The following ADGRL2 variants were observed in gnomAD, a reference collection of about 807,000 sequenced individuals.
The protein encoded by ADGRL2 is adhesion G protein-coupled receptor L2.
A neutral mutation model predicts 157.4 loss-of-function variants in ADGRL2; 44 were observed. That is an observed-to-expected ratio of 0.28 (90% CI 0.22 to 0.36). The LOEUF is 0.36. Ranked by LOEUF, ADGRL2 falls within the 10% of genes least tolerant of loss-of-function variation. ADGRL2 has a pLI of 1.00. For missense variants in ADGRL2, 1,510 were observed against 1,768.9 expected (o/e 0.85, Z 2.63); for synonymous variants, 585 against 624.7 (o/e 0.94, Z 0.95).
At position 81,495,708 on chromosome 1, in the gene ADGRL2, C is replaced by T. The variant is rs576047344; in HGVS notation, c.-248+50619C>T. ...AATTTTAAAAGGGGAAAAATTTCAA[C>T]TCAGGTAACTAGGAATTTAGCATGC... On this transcript the variant is annotated intron_variant, in intron 2 of 24. Coordinates refer to the ADGRL2 transcript ENST00000370721. 1.4e-4 allele frequency among the ~76,000 whole-genome samples: 21 copies of T among 152,256 alleles called. No homozygotes were observed. The Middle Eastern group carries it at 0.01, about 74-fold the overall frequency.
chr1:81,501,125 T>A (rs925945280), intron 2 of ADGRL2, among the ~76,000 whole-genome samples: 7 of 152,230 alleles, frequency 4.6e-5, no homozygotes, highest in Non-Finnish European at 8.8e-5. Flanking sequence ...GGGGCAAAAT[T>A]ACTGCTGCCA....
intron 3 of ADGRL2, among the ~76,000 whole-genome samples, chr1:81,605,246 C>T (rs1370141849): frequency 6.6e-6 from 1 of 152,082 alleles, no homozygotes; most frequent in Non-Finnish European, 1.5e-5. Context: ...TGCTTAATTA[C>T]AAGGCTGAAT....
At position 81,987,001 on chromosome 1, in the gene ADGRL2, C is replaced by T. The variant is rs1369148922; in HGVS notation, c.3609C>T (p.Ala1203=). 9.9e-6 allele frequency: 16 copies of T among 1,610,810 alleles called. No homozygotes were observed. Among genetic ancestry groups the T allele is most frequent in the Admixed American group, 3.3e-5 (2 of 59,802 alleles). ...TCGCTGAAACAGTTGTATGTAATGC[C>T]CCTTCAGCTCCTGTATTTAACTCAC... The part of the protein sequence containing the change: ...TLLAETVVCN[A]PSAPVFNSPA... Residue 1203 remains alanine (A), a synonymous_variant, in exon 22 of 24, where the codon GCC becomes GCT. Coordinates refer to ENST00000686636, the MANE Select transcript of ADGRL2 (RefSeq NM_001366006.2).
intron 2 of ADGRL2, among the ~76,000 whole-genome samples, chr1:81,565,251 G>A (rs1438319843): frequency 6.6e-6 from 1 of 152,130 alleles, no homozygotes; most frequent in Non-Finnish European, 1.5e-5. Context: ...TATGTGACAG[G>A]ATTTTGTTAA....
chr1:81,389,126 G>A (rs1427587337), intron 1 of ADGRL2, among the ~76,000 whole-genome samples: 2 of 152,084 alleles, frequency 1.3e-5, no homozygotes, highest in South Asian at 2.1e-4. Context: ...TCCCTTAGAT[G>A]TGCTTAAGAA....
intron 2 of ADGRL2, among the ~76,000 whole-genome samples, chr1:81,449,224 T>C (rs1334302592): frequency 6.6e-6 from 1 of 151,634 alleles, no homozygotes; most frequent in Non-Finnish European, 1.5e-5. Flanking sequence ...AGTGATACTA[T>C]GGATTTATAT....
chr1:81,893,061 A>G (rs1364360837), intron 2 of ADGRL2, among the ~76,000 whole-genome samples: 2 of 152,196 alleles, frequency 1.3e-5, no homozygotes, highest in African/African-American at 2.4e-5. Flanking sequence ...TCAAAACCTT[A>G]TCTATTTTTC....
rs71085382 is a variant in ADGRL2 at position 81,993,087 on chromosome 1, A to ATTTTTTTTTTTT, written c.*1963_*1974dup. 6.8e-5 allele frequency among the ~76,000 whole-genome samples: 2 copies of ATTTTTTTTTTTT among 29,200 alleles called. No homozygotes were observed. Among genetic ancestry groups the ATTTTTTTTTTTT allele is most frequent in the Non-Finnish European group, 1.1e-4 (2 of 18,340 alleles). The allele number at this position is 29,200 out of a possible 152,430, so 19.2% of individuals were successfully genotyped here. On this transcript the variant is annotated 3_prime_UTR_variant, in exon 24 of 24. Transcript: ENST00000686636. ...TATATATATATATATATATATATAT[A>ATTTTTTTTTTTT]TTTTTTTTTTTTTTTTTTTTTTTTT...
intron 1 of ADGRL2, among the ~76,000 whole-genome samples, chr1:81,403,194 G>A (rs1219335541): frequency 6.6e-6 from 1 of 151,742 alleles, no homozygotes; most frequent in Non-Finnish European, 1.5e-5. Flanking sequence ...AAAAGAAAAA[G>A]GGAGCTATTG....
chr1:81,401,158 G>C (rs908987186), intron 1 of ADGRL2, among the ~76,000 whole-genome samples: 1 of 152,196 alleles, frequency 6.6e-6, no homozygotes, highest in African/African-American at 2.4e-5. Context: ...GCACCAGGAA[G>C]GTGGTGGCCA....
At chr1:81,333,062 C>G (rs1173280567) in intron 1 of ADGRL2, among the ~76,000 whole-genome samples, 2 of 152,208 alleles carry the variant, frequency 1.3e-5, no homozygotes, top group Middle Eastern at 3.4e-3. Context: ...ATCATGAAAC[C>G]TCTCTAGACC....
At chr1:81,509,504 C>T (rs1364615616) in intron 2 of ADGRL2, among the ~76,000 whole-genome samples, 1 of 152,140 alleles carries the variant, frequency 6.6e-6, no homozygotes, top group African/African-American at 2.4e-5. Flanking sequence ...TTTGACACAC[C>T]GTTCTTGACA....
chr1:81,522,594 G>A (rs2079347889), intron 2 of ADGRL2, among the ~76,000 whole-genome samples: 1 of 152,120 alleles, frequency 6.6e-6, no homozygotes. Flanking sequence ...AGCTTAAGAA[G>A]TTATGTTCTA....
intron 3 of ADGRL2, among the ~76,000 whole-genome samples, chr1:81,920,985 C>G (rs1279045055): frequency 6.6e-6 from 1 of 151,956 alleles, no homozygotes; most frequent in Non-Finnish European, 1.5e-5. Context: ...CTTTGTGGCT[C>G]TATTAAGCTT....
At chr1:81,666,447 G>A (rs78820376) in intron 3 of ADGRL2, among the ~76,000 whole-genome samples, 4 of 152,082 alleles carry the variant, frequency 2.6e-5, no homozygotes, top group African/African-American at 7.2e-5. Flanking sequence ...GTATTGATTG[G>A]TAACTGCTGA....
chr1:81,678,913 G>A (rs1202237586), intron 3 of ADGRL2, among the ~76,000 whole-genome samples: 1 of 152,180 alleles, frequency 6.6e-6, no homozygotes, highest in Non-Finnish European at 1.5e-5. Context: ...GTGAATAAAT[G>A]TTCCTTGTTG....
At chr1:81,619,233 C>G (rs1476581615) in intron 3 of ADGRL2, among the ~76,000 whole-genome samples, 2 of 151,462 alleles carry the variant, frequency 1.3e-5, no homozygotes, top group African/African-American at 4.9e-5. Flanking sequence ...TGGAACGTAT[C>G]ACTGTTTATG....
chr1:81,829,677 C>T (rs972630073), intron 1 of ADGRL2, among the ~76,000 whole-genome samples: 5 of 152,006 alleles, frequency 3.3e-5, no homozygotes, highest in African/African-American at 4.8e-5. Flanking sequence ...GAATAATTGC[C>T]GAGACATATT....
chr1:81,455,116 C>T (rs541491537), intron 2 of ADGRL2, among the ~76,000 whole-genome samples: 53 of 152,292 alleles, frequency 3.5e-4, no homozygotes, highest in Non-Finnish European at 4.4e-5. Context: ...CAAGTACTTT[C>T]TGTAATGCTC....
Sources: allele counts gnomAD v4.1 joint callset (sites outside exome capture counted in the v4.1 genomes callset), GRCh38; gene constraint gnomAD v4.1.1; transcripts MANE v1.5; gene names NCBI Gene and HGNC (gene_info 2026-07-23, HGNC 2026-07-21).